MNAT1: variants seen among roughly 807,000 people sequenced by gnomAD.
MNAT1 encodes the protein MNAT1 component of CDK activating kinase, also known as CDK-activating kinase assembly factor MAT1.
A neutral mutation model predicts 42.0 loss-of-function variants in MNAT1; 43 were observed. The observed-to-expected ratio is 1.02, with a 90% CI of 0.80 to 1.32. The LOEUF (loss-of-function observed/expected upper bound fraction) is 1.32, where lower values mean the gene tolerates loss of function less well. Ranked by LOEUF, MNAT1 falls within the 40% of genes most tolerant of loss-of-function variation. The pLI, the probability that MNAT1 is intolerant of heterozygous loss-of-function variation, is 0.00. For missense variants in MNAT1, 306 were observed against 350.4 expected (o/e 0.87, Z 1.01); for synonymous variants, 118 against 120.0 (o/e 0.98, Z 0.11).
intron 7 of MNAT1, among the ~76,000 whole-genome samples, chr14:60,885,252 G>A (rs2034639081): frequency 1.3e-5 from 2 of 151,580 alleles, no homozygotes; most frequent in African/African-American, 4.8e-5. Flanking sequence ...GAAATGTTCT[G>A]TTATTCTCCT....
chr14:60,931,527 A>G (rs903206961), intron 7 of MNAT1, among the ~76,000 whole-genome samples: 5 of 152,220 alleles, frequency 3.3e-5, no homozygotes, highest in Admixed American at 6.5e-5. Flanking sequence ...CAAAATAGGT[A>G]GACTGTAAAA....
At chr14:60,856,320 A>G (rs1460457187) in intron 6 of MNAT1, among the ~76,000 whole-genome samples, 1 of 152,242 alleles carries the variant, frequency 6.6e-6, no homozygotes, top group Non-Finnish European at 1.5e-5. Flanking sequence ...AGAGCAAACC[A>G]GTCATACCAT....
chr14:60,832,627 G>A (rs2033259238), intron 6 of MNAT1, among the ~76,000 whole-genome samples: 1 of 151,394 alleles, frequency 6.6e-6, no homozygotes, highest in Non-Finnish European at 1.5e-5. Flanking sequence ...CTCCAGCTTT[G>A]TTCTTTTTGC....
chr14:60,915,059 A>G (rs1316509983), intron 7 of MNAT1, among the ~76,000 whole-genome samples: 1 of 152,188 alleles, frequency 6.6e-6, no homozygotes, highest in Non-Finnish European at 1.5e-5. Flanking sequence ...TTTGACCGAG[A>G]GCAAGGTGCT....
chr14:60,911,441 C>G (rs10137978), intron 7 of MNAT1, among the ~76,000 whole-genome samples: 143,367 of 152,204 alleles, frequency 0.94, 67,841 homozygotes, highest in Non-Finnish European at 0.99. Flanking sequence ...GATCTTTCCT[C>G]CTTTCTCTTG....
At chr14:60,957,467 A>C (rs1029732622) in intron 7 of MNAT1, among the ~76,000 whole-genome samples, 2 of 152,152 alleles carry the variant, frequency 1.3e-5, no homozygotes, top group African/African-American at 4.8e-5. Flanking sequence ...AAACCAACAG[A>C]TCTCATGAGA....
At chr14:60,743,611 G>A (rs1206770768) in intron 1 of MNAT1, among the ~76,000 whole-genome samples, 1 of 152,142 alleles carries the variant, frequency 6.6e-6, no homozygotes, top group Non-Finnish European at 1.5e-5. Context: ...TTATAGTGTA[G>A]GTGTGTTGGT....
At chr14:60,802,908 G>A (rs1243110733) in intron 3 of MNAT1, among the ~76,000 whole-genome samples, 1 of 151,280 alleles carries the variant, frequency 6.6e-6, no homozygotes, top group Non-Finnish European at 1.5e-5. Flanking sequence ...GGCATTGTTC[G>A]GTTTGTCATC....
chr14:60,848,616 A>G (rs1464232078), intron 6 of MNAT1, among the ~76,000 whole-genome samples: 1 of 151,728 alleles, frequency 6.6e-6, no homozygotes, highest in Non-Finnish European at 1.5e-5. Flanking sequence ...TTTTTGTTTT[A>G]CTTCATGTTG....
At position 60,961,136 on chromosome 14, in the gene MNAT1, A is replaced by G. The variant is rs560194144; in HGVS notation, c.810-7093A>G. On this transcript the variant is annotated intron_variant, in intron 7 of 7. Transcript: ENST00000261245. ...CGCCTCTGTGTCCAGCTGATTTTGT[A>G]TTTTTAGTAGAGATGGGGTTTCTCC... Among the ~76,000 whole-genome samples the G allele has an allele frequency of 4.6e-4, 70 of 151,866 alleles. 1 individual carries two copies. In the Middle Eastern group the frequency reaches 0.02, roughly 44 times the overall value.
In MNAT1 at chr14:60,789,799, A is replaced by G. The variant is rs575187578; in HGVS notation, c.90-6418A>G. On this transcript the variant is annotated intron_variant, in intron 1 of 7. Transcript: ENST00000261245. ...CAGAATAGTCCACATATTTCAGAAA[A>G]TGTTCTTGGCTTAGAGCATTTGGAA... Among the ~76,000 whole-genome samples the G allele has an allele frequency of 5.3e-5, 8 of 152,292 alleles. No individual in the cohort carries two copies. In the East Asian group the frequency reaches 1.5e-3, roughly 29 times the overall value.
chr14:60,943,711 A>G (rs1020995551), intron 7 of MNAT1, among the ~76,000 whole-genome samples: 8 of 152,100 alleles, frequency 5.3e-5, no homozygotes, highest in Admixed American at 3.3e-4. Flanking sequence ...GCTGGTTGCT[A>G]GGGCACCCAT....
At chr14:60,909,578 G>T (rs1230313749) in intron 7 of MNAT1, among the ~76,000 whole-genome samples, 2 of 151,980 alleles carry the variant, frequency 1.3e-5, no homozygotes, top group African/African-American at 2.4e-5. Context: ...TATTAAATAG[G>T]GAATCCTTTC....
chr14:60,901,013 CAAAAAAAA>C (rs56345746), intron 7 of MNAT1, among the ~76,000 whole-genome samples: 5 of 36,578 alleles, frequency 1.4e-4, no homozygotes, highest in East Asian at 1.1e-3. Flanking sequence ...GAGCCTGTCT[CAAAAAAAA>C]AAAAAAAAAA....
rs76446113 is a variant in MNAT1, at chr14:60,957,220, G to T, written c.810-11009G>T. Among the ~76,000 whole-genome samples, 418 of 151,824 alleles carry T rather than the reference G, an allele frequency of 2.8e-3. 7 individuals are homozygous for T. The highest frequency in any genetic ancestry group is 0.026 in the East Asian group (135 of 5,172). ...GTTACATAAAACATCTTATAGTTAC[G>T]CTAGTCATACAAAAACATACAAAAA... is the stretch of plus-strand genomic sequence containing the variant. On this transcript the variant is annotated intron_variant, in intron 7 of 7. Transcript: ENST00000261245.
At chr14:60,781,188 C>G (rs1245546534) in intron 1 of MNAT1, among the ~76,000 whole-genome samples, 1 of 151,904 alleles carries the variant, frequency 6.6e-6, no homozygotes, top group South Asian at 2.1e-4. Flanking sequence ...GCTTGATGTT[C>G]TGTGATACAG....
chr14:60,914,915 A>C (rs2035479221), intron 7 of MNAT1, among the ~76,000 whole-genome samples: 2 of 152,230 alleles, frequency 1.3e-5, no homozygotes, highest in African/African-American at 4.8e-5. Flanking sequence ...TGAAGGGAAT[A>C]ATGTTTTTGG....
intron 1 of MNAT1, among the ~76,000 whole-genome samples, chr14:60,749,948 A>G (rs1483309883): frequency 1.3e-5 from 2 of 152,192 alleles, no homozygotes; most frequent in Non-Finnish European, 2.9e-5. Context: ...TTTCTCAGAC[A>G]CTCAATACAT....
At chr14:60,821,144 T>C (rs1428946287) in intron 6 of MNAT1, among the ~76,000 whole-genome samples, 1 of 152,176 alleles carries the variant, frequency 6.6e-6, no homozygotes, top group East Asian at 1.9e-4. Flanking sequence ...CATTATGTTA[T>C]GCTTTTTAAA....
Sources: gnomAD v4.1 joint callset for allele counts (sites outside exome capture counted in the v4.1 genomes callset) on GRCh38, gnomAD v4.1.1 for gene constraint, MANE v1.5 for transcripts, NCBI Gene and HGNC (gene_info 2026-07-23, HGNC 2026-07-21) for gene names.